The following PAX6 variants were observed in gnomAD, a reference collection of about 807,000 sequenced individuals.
PAX6 encodes paired box 6, also known as paired box protein Pax-6.
A neutral mutation model predicts 60.7 loss-of-function variants in PAX6; 7 were observed. That is an observed-to-expected ratio of 0.12 (90% CI 0.07 to 0.22). The LOEUF (loss-of-function observed/expected upper bound fraction) is 0.22, where lower values mean the gene tolerates loss of function less well. Ranked by LOEUF, PAX6 falls within the 10% of genes least tolerant of loss-of-function variation. The pLI, the probability that PAX6 is intolerant of heterozygous loss-of-function variation, is 1.00. For missense variants in PAX6, 355 were observed against 555.2 expected, an observed-to-expected ratio of 0.64 and a Z score of 3.62; for synonymous variants, 208 against 201.2, an observed-to-expected ratio of 1.03 and a Z score of -0.29.
At chr11:31,817,798 C>G (rs886950714) in intron 1 of PAX6, 1 of 152,518 alleles carries the variant, frequency 6.6e-6, no homozygotes, top group African/African-American at 2.4e-5. Flanking sequence ...GGCCGGAGCC[C>G]GGGCGGTTAC....
chr11:31,806,310 C>A, intron 4 of PAX6, 92 bp downstream of exon 4: 1 of 1,469,240 alleles, frequency 6.8e-7, no homozygotes, highest in Admixed American at 2.0e-5. Context: ...GCGGCCGGGC[C>A]AGCGCGGGCG....
intron 4 of PAX6, chr11:31,804,807 A>G (rs1310952811): frequency 6.6e-6 from 1 of 152,268 alleles, no homozygotes; most frequent in East Asian, 1.9e-4. Flanking sequence ...GGCCGCCTAA[A>G]TCTAGACCTC....
chr11:31,802,628 C>T lies in PAX6; in HGVS notation c.141+76G>A. The T allele has an allele frequency of 4.0e-6, 6 of 1,514,510 alleles. No individual in the cohort carries two copies. The Admixed American group carries it at 1.2e-4, about 29-fold the overall frequency. 93.8% of individuals were successfully genotyped at this position (1,514,510 alleles called of 1,614,324 possible). On this transcript the variant is annotated intron_variant, in intron 5 of 13. Transcript: ENST00000640368. ...GGGGGTCCATAATTAGCATCGTTTA[C>T]AGTAAGAAATGAAGAGAGGGCGTTG...
chr11:31,806,458 G>C lies in PAX6; in HGVS notation c.-47C>G. On this transcript the variant is annotated 5_prime_UTR_variant, in exon 4 of 14. Coordinates refer to ENST00000640368, the MANE Select transcript of PAX6 (RefSeq NM_001368894.2). Reference sequence around the variant, plus strand: ...CGGGATTCCACGGGGCTCGAATATGGGGCTCTGTTAGCAAGAAAATAGGAG... The same window carrying C: ...CGGGATTCCACGGGGCTCGAATATGCGGCTCTGTTAGCAAGAAAATAGGAG... 1 of 1,599,376 alleles carries C rather than the reference G, an allele frequency of 6.3e-7. No homozygotes were observed. Among genetic ancestry groups the C allele is most frequent in the Non-Finnish European group, 8.5e-7 (1 of 1,172,854 alleles).
intron 2 of PAX6, chr11:31,810,238 G>C (rs1435968832): frequency 6.6e-6 from 1 of 152,196 alleles, no homozygotes; most frequent in Non-Finnish European, 1.5e-5. Flanking sequence ...CTCGGCGCTC[G>C]AGTGCCGGCT....
intron 4 of PAX6, chr11:31,804,209 G>A (rs1217287081): frequency 6.6e-6 from 1 of 152,246 alleles, no homozygotes; most frequent in Non-Finnish European, 1.5e-5. Flanking sequence ...AAGTCGCTCC[G>A]GATCATGCAT....
At position 31,801,675 on chromosome 11, in the gene PAX6, T is replaced by C; in HGVS notation, c.285A>G (p.Pro95=). 6.2e-7 allele frequency: 1 copy of C among 1,614,178 alleles called. No homozygotes were observed. The change falls in exon 7 of 14, where the codon CCA becomes CCG. Residue 95 remains proline (P), a synonymous_variant. Coordinates refer to ENST00000640368, the MANE Select transcript of PAX6 (RefSeq NM_001368894.2). ...IGGSKPRVAT[P]EVVSKIAQYK... is the part of the protein sequence containing the mutation. ...ACTGGGCTATTTTGCTTACAACTTC[T>C]GGAGTCGCTACTCTCGGTTTACTAC...
chr11:31,802,231 G>T, intron 5 of PAX6: 1 of 390,326 alleles, frequency 2.6e-6, no homozygotes, highest in Non-Finnish European at 4.6e-6. Context: ...TTGAGTAAAT[G>T]TGAGTTAGGG....
At chr11:31,791,141 G>C in intron 12 of PAX6, 3 of 499,658 alleles carry the variant, frequency 6.0e-6, no homozygotes, top group Non-Finnish European at 1.1e-5. Context: ...AAATTAATAG[G>C]ATTTTTGTCT....
intron 9 of PAX6, 188 bp downstream of exon 9, chr11:31,794,418 CACCACACACACACACACACACACA>C (rs1307010817): frequency 7.9e-4 from 368 of 463,520 alleles, no homozygotes; most frequent in East Asian, 2.7e-3. Context: ...CACACACACA[CACCACACACACACACACACACACA>C]CACACACACA....
upstream of PAX6, among the ~76,000 whole-genome samples, chr11:31,815,995 G>T (rs1483774555): frequency 6.6e-6 from 1 of 152,124 alleles, no homozygotes; most frequent in African/African-American, 2.4e-5. Context: ...GATTCCTCAC[G>T]AGAGGAAAGG....
chr11:31,794,473 C>G, intron 9 of PAX6, 157 bp downstream of exon 9: 1 of 433,786 alleles, frequency 2.3e-6, no homozygotes, highest in Admixed American at 3.1e-5. Context: ...CACACACACA[C>G]ACACACTGAA....
chr11:31,793,610 G>A (rs779093297), intron 11 of PAX6, 42 bp downstream of exon 11: 2 of 1,613,846 alleles, frequency 1.2e-6, no homozygotes, highest in South Asian at 1.1e-5. Context: ...GGAGCAAACA[G>A]GTTTAAAGAC....
chr11:31,813,997 G>T (rs1003679834), upstream of PAX6, among the ~76,000 whole-genome samples: 1 of 152,070 alleles, frequency 6.6e-6, no homozygotes, highest in Non-Finnish European at 1.5e-5. Context: ...GAGACAACTC[G>T]CAGGTCGCCA....
At chr11:31,802,109 GTAGA>G (rs1428116011) in intron 5 of PAX6, 197 bp from the exon 6 acceptor site, 3 of 588,048 alleles carry the variant, frequency 5.1e-6, no homozygotes, top group Admixed American at 3.3e-5. Flanking sequence ...TCAAAACGAA[GTAGA>G]TAAATTTATT....
chr11:31,793,365 G>C, intron 12 of PAX6, 73 bp downstream of exon 12: 1 of 1,261,358 alleles, frequency 7.9e-7, no homozygotes, highest in South Asian at 1.2e-5. Context: ...CAGCCAATGA[G>C]GTCCGCAGGC....
At chr11:31,795,936 C>A (rs987825630) in intron 8 of PAX6, among the ~76,000 whole-genome samples, 1 of 152,170 alleles carries the variant, frequency 6.6e-6, no homozygotes, top group African/African-American at 2.4e-5. Context: ...TGGCCAGAGG[C>A]GGGGTGGAGG....
chr11:31,800,713 C>T lies in PAX6; in HGVS notation c.543G>A (p.Ser181=), dbSNP rs1450922855. Residue 181 remains serine, a synonymous_variant, in exon 8 of 14, where the codon TCG becomes TCA. Transcript: ENST00000640368. ...GTRPGWYPGT[S]VPGQPTQDGC... Reference sequence around the variant, plus strand: ...TACCTTGCGTAGGTTGCCCTGGCACCGAAGTCCCCGGATACCAACCAGGGC... The same window carrying T: ...TACCTTGCGTAGGTTGCCCTGGCACTGAAGTCCCCGGATACCAACCAGGGC... 3.1e-6 allele frequency: 5 copies of T among 1,614,136 alleles called. No individual in the cohort carries two copies. The highest frequency in any genetic ancestry group is 2.2e-5 in the South Asian group (2 of 91,080).
chr11:31,790,445 G>C lies in PAX6; in HGVS notation c.1225+265C>G, dbSNP rs1949531194. 23 of 1,339,802 alleles carry C rather than the reference G, an allele frequency of 1.7e-5. No homozygotes were observed. In the South Asian group the frequency reaches 3.3e-4, roughly 19 times the overall value. The allele number at this position is 1,339,802 out of a possible 1,614,324, so 83.0% of individuals were successfully genotyped here. A position where few individuals can be genotyped will look rare whatever the true frequency, so the allele number is the denominator to read the frequency against. ...CCTACTGAGCTTCGTCTAATAATCT[G>C]TCCTCAGAAAACTTGCAGTCTCAGG... On this transcript the variant is annotated intron_variant, in intron 13 of 13. Coordinates refer to ENST00000640368, the MANE Select transcript of PAX6 (RefSeq NM_001368894.2).
Sources: gnomAD v4.1 joint callset for allele counts (sites outside exome capture counted in the v4.1 genomes callset) on GRCh38, gnomAD v4.1.1 for gene constraint, MANE v1.5 for transcripts, NCBI Gene and HGNC (gene_info 2026-07-23, HGNC 2026-07-21) for gene names.